ABCA1: variants seen among roughly 807,000 people sequenced by gnomAD.
ABCA1 encodes ATP binding cassette subfamily A member 1, also known as phospholipid-transporting ATPase ABCA1.
Under a neutral mutation model 262.5 loss-of-function variants are expected in ABCA1, and 133 were observed. That is an observed-to-expected ratio of 0.51 (90% confidence interval 0.44 to 0.59). ABCA1 has a LOEUF of 0.59. Ranked by LOEUF, ABCA1 falls within the 20% of genes least tolerant of loss-of-function variation. The pLI is 0.00. For missense variants in ABCA1, 2,452 were observed against 2,777.5 expected (o/e 0.88, Z 2.63); for synonymous variants, 1,022 against 1,043.5 (o/e 0.98, Z 0.40).
chr9:104,897,139 T>G (rs1275618457), intron 2 of ABCA1, among the ~76,000 whole-genome samples: 12 of 152,116 alleles, frequency 7.9e-5, no homozygotes, highest in Non-Finnish European at 7.4e-5. Context: ...AAAAATTAAT[T>G]TTAGACCCAT....
intron 39 of ABCA1, among the ~76,000 whole-genome samples, chr9:104,795,803 A>T (rs1186540446): frequency 6.6e-6 from 1 of 152,204 alleles, no homozygotes; most frequent in Non-Finnish European, 1.5e-5. Flanking sequence ...TCTTGGTAAG[A>T]GCAACATTGA....
At chr9:104,887,876 GCCA>G (rs1839330204) in intron 3 of ABCA1, among the ~76,000 whole-genome samples, 1 of 151,774 alleles carries the variant, frequency 6.6e-6, no homozygotes, top group Non-Finnish European at 1.5e-5. Flanking sequence ...ACAGGTGTGC[GCCA>G]CCACGCCTGG....
intron 39 of ABCA1, among the ~76,000 whole-genome samples, chr9:104,795,319 T>C (rs1178883453): frequency 6.6e-6 from 1 of 151,910 alleles, no homozygotes; most frequent in Non-Finnish European, 1.5e-5. Context: ...ACAGGAAGAG[T>C]TGTGCAACTG....
Position 104,790,988 on chromosome 9 carries a change from G to A in ABCA1, c.5861C>T (p.Ser1954Leu), listed in dbSNP as rs1393724114. ...LLGVNGAGKS[S>L]TFKMLTGDTT... ...ATCTCCTGTTAACATCTTGAAAGTTGATGATTTTCCAGCCCCATTAACTCC... is the reference window on the plus strand; with the variant it reads ...ATCTCCTGTTAACATCTTGAAAGTTAATGATTTTCCAGCCCCATTAACTCC... Residue 1954 changes from serine to leucine, a missense_variant, in exon 44 of 50, where the codon TCA becomes TTA. Physicochemically the swap from Ser to Leu is moderately radical, Grantham distance 145. Around this residue, in one of 4 missense-constraint regions of ABCA1, gnomAD observed 752 missense variants for 944.5 expected, o/e 0.80. Transcript: ENST00000374736. 1 of 1,613,730 alleles carries A rather than the reference G, an allele frequency of 6.2e-7. No homozygotes were observed. The highest frequency in any genetic ancestry group is 1.3e-5 in the African/African-American group (1 of 74,880).
rs747562321 is a variant in ABCA1, at chr9:104,855,896, T to G, written c.720+2626A>C. The G allele has an allele frequency of 2.5e-5, 41 of 1,612,690 alleles. No individual in the cohort carries two copies. In the Middle Eastern group the frequency reaches 6.6e-4, roughly 26 times the overall value. ...CCCTTGGCTGGAAACAGGGAAACAC[T>G]CACGCACACACAAAAGGAGAAATGT... On this transcript the variant is annotated intron_variant, in intron 7 of 49. Transcript: ENST00000374736.
chr9:104,786,366 G>A lies in ABCA1; in HGVS notation c.6333C>T (p.Cys2111=). 6.2e-7 allele frequency: 1 copy of A among 1,614,088 alleles called. No homozygotes were observed. Among genetic ancestry groups the A allele is most frequent in the Admixed American group, 1.7e-5 (1 of 60,026 alleles). ...CATTGACCATGATTGCCATCCTAGT[G>A]CAAAGAGCTTCACATTCTTCCATAC... ...SHSMEECEAL[C]TRMAIMVNGR... is the part of the protein sequence containing the mutation. Residue 2111 remains cysteine (C), a synonymous_variant, in exon 48 of 50, where the codon TGC becomes TGT. Coordinates refer to ENST00000374736, the MANE Select transcript of ABCA1 (RefSeq NM_005502.4).
intron 9 of ABCA1, 127 bp downstream of exon 9, chr9:104,840,152 G>C: frequency 1.3e-6 from 2 of 1,520,992 alleles, no homozygotes; most frequent in Non-Finnish European, 1.8e-6. Context: ...GAAGAGCTCA[G>C]TCTGGTGGGC....
intron 31 of ABCA1, 135 bp from the exon 32 acceptor site, chr9:104,804,855 T>C (rs1830631753): frequency 1.2e-5 from 9 of 776,236 alleles, no homozygotes; most frequent in Non-Finnish European, 2.1e-5. Context: ...CTGCCCTCAG[T>C]CAACCAGCAC....
intron 1 of ABCA1, among the ~76,000 whole-genome samples, chr9:104,918,412 T>C (rs754180923): frequency 6.6e-6 from 1 of 152,122 alleles, no homozygotes; most frequent in Non-Finnish European, 1.5e-5. Context: ...TCAAAGTGGG[T>C]CACAGTCTTA....
intron 1 of ABCA1, among the ~76,000 whole-genome samples, 177 bp from the exon 2 acceptor site, chr9:104,903,948 G>C (rs773959469): frequency 3.4e-4 from 51 of 152,230 alleles, no homozygotes; most frequent in Non-Finnish European, 6.6e-4. Context: ...CACCCACAAA[G>C]AGGGACTCGG....
chr9:104,799,870 G>A lies in ABCA1; in HGVS notation c.4892C>T (p.Ala1631Val), dbSNP rs143536569. The A allele has an allele frequency of 5.4e-5, 87 of 1,614,064 alleles. No homozygotes were observed. The highest frequency in any genetic ancestry group is 6.7e-5 in the Non-Finnish European group (79 of 1,180,046). Reference sequence around the variant, plus strand: ...GGTGAGATTCAGGGGATGATTGAAAGCAGTAATTCCATAATGGCTAGGGTT... The same window carrying A: ...GGTGAGATTCAGGGGATGATTGAAAACAGTAATTCCATAATGGCTAGGGTT... ...GENPSHYGIT[A>V]FNHPLNLTKQ... Residue 1631 changes from alanine to valine, a missense_variant, in exon 36 of 50, where the codon GCT becomes GTT. Transcript: ENST00000374736.
chr9:104,888,077 G>C (rs574036138), intron 3 of ABCA1, among the ~76,000 whole-genome samples: 3 of 151,884 alleles, frequency 2.0e-5, no homozygotes, highest in African/African-American at 7.3e-5. Context: ...GTGTGTGTGT[G>C]TGTGTGTGTG....
intron 48 of ABCA1, among the ~76,000 whole-genome samples, 171 bp from the exon 49 acceptor site, chr9:104,785,810 T>C (rs1828877577): frequency 6.6e-6 from 1 of 152,232 alleles, no homozygotes; most frequent in South Asian, 2.1e-4. Flanking sequence ...TTATTTTATG[T>C]GAAGCACCAT....
intron 29 of ABCA1, among the ~76,000 whole-genome samples, chr9:104,810,237 C>A (rs1307217328): frequency 6.7e-6 from 1 of 149,754 alleles, no homozygotes; most frequent in Non-Finnish European, 1.5e-5. Flanking sequence ...GTCTACAAAT[C>A]TTTCAGGACT....
At chr9:104,859,883 C>A (rs1278663295) in intron 6 of ABCA1, among the ~76,000 whole-genome samples, 2 of 151,792 alleles carry the variant, frequency 1.3e-5, no homozygotes, top group Non-Finnish European at 2.9e-5. Context: ...GGTGAAACCC[C>A]GTCTCTACTA....
chr9:104,870,387 C>G (rs1837493059), intron 5 of ABCA1, among the ~76,000 whole-genome samples: 1 of 152,174 alleles, frequency 6.6e-6, no homozygotes, highest in Admixed American at 6.5e-5. Flanking sequence ...GTCGGGTGAG[C>G]AGAGCGGTGA....
intron 3 of ABCA1, 144 bp from the exon 4 acceptor site, chr9:104,884,712 C>G (rs1423637758): frequency 2.0e-6 from 2 of 999,738 alleles, no homozygotes; most frequent in Non-Finnish European, 3.1e-6. Flanking sequence ...CTGAATAAAA[C>G]TGACTCTCAG....
chr9:104,810,398 T>C (rs1831175345), intron 29 of ABCA1, among the ~76,000 whole-genome samples: 1 of 152,144 alleles, frequency 6.6e-6, no homozygotes, highest in Non-Finnish European at 1.5e-5. Context: ...TTACATGAAT[T>C]ATACTTTGCA....
chr9:104,913,967 T>A (rs910045425), intron 1 of ABCA1, among the ~76,000 whole-genome samples: 1 of 151,556 alleles, frequency 6.6e-6, no homozygotes, highest in Non-Finnish European at 1.5e-5. Context: ...GCCCGGCTAA[T>A]TTTTTGTATT....
Sources: gnomAD v4.1 joint callset for allele counts (sites outside exome capture counted in the v4.1 genomes callset) on GRCh38, gnomAD v4.1.1 for gene constraint, gnomAD v4.1.1 regional missense constraint, MANE v1.5 for transcripts, NCBI Gene and HGNC (gene_info 2026-07-23, HGNC 2026-07-21) for gene names.